NCAM2: variants seen among roughly 807,000 people sequenced by gnomAD.
NCAM2 encodes the protein neural cell adhesion molecule 2.
NCAM2 carries 30 observed loss-of-function variants against 98.1 expected under a neutral mutation model. The observed-to-expected ratio is 0.31, with a 90% CI of 0.23 to 0.41. The LOEUF (loss-of-function observed/expected upper bound fraction) is 0.41, where lower values mean the gene tolerates loss of function less well. Among genes scored for constraint, NCAM2 ranks in the 10% least tolerant of loss-of-function variants. The probability of loss-of-function intolerance (pLI) is 1.00; values close to 1 mark genes in which losing one functional copy is unlikely to be tolerated. For synonymous variants in NCAM2, 368 were observed against 342.4 expected, an observed-to-expected ratio of 1.07 and a Z score of -0.83; for missense variants, 867 against 1,005.8, an observed-to-expected ratio of 0.86 and a Z score of 1.87.
intron 16 of NCAM2, among the ~76,000 whole-genome samples, chr21:21,514,744 T>G (rs1343082774): frequency 6.6e-6 from 1 of 152,152 alleles, no homozygotes; most frequent in Non-Finnish European, 1.5e-5. Context: ...TTTTAGTAAT[T>G]GAAAATGTCA....
At chr21:21,082,870 T>C (rs1220470248) in intron 1 of NCAM2, among the ~76,000 whole-genome samples, 1 of 152,206 alleles carries the variant, frequency 6.6e-6, no homozygotes, top group African/African-American at 2.4e-5. Flanking sequence ...TGAGGAGCTC[T>C]TCCACTCTGC....
chr21:21,103,448 CAATT>C (rs888585673), intron 1 of NCAM2, among the ~76,000 whole-genome samples: 15 of 146,478 alleles, frequency 1.0e-4, no homozygotes, highest in Admixed American at 2.8e-4. Flanking sequence ...AGTATAATAG[CAATT>C]AATTAAGAGG....
chr21:21,129,611 C>T (rs1489262985), intron 1 of NCAM2, among the ~76,000 whole-genome samples: 1 of 152,046 alleles, frequency 6.6e-6, no homozygotes, highest in Admixed American at 6.6e-5. Flanking sequence ...TGAGGGCTGG[C>T]GATTTGGTTT....
intron 9 of NCAM2, among the ~76,000 whole-genome samples, chr21:21,382,516 GAT>G (rs2076176549): frequency 1.6e-5 from 2 of 125,982 alleles, no homozygotes; most frequent in Middle Eastern, 7.5e-3. Context: ...TTATTTCAGG[GAT>G]TTTTTTTTTT....
At chr21:21,299,132 G>A (rs1457951602) in intron 5 of NCAM2, among the ~76,000 whole-genome samples, 1 of 151,598 alleles carries the variant, frequency 6.6e-6, no homozygotes, top group African/African-American at 2.4e-5. Flanking sequence ...ATCTGACATT[G>A]TGGAGATGAA....
chr21:21,434,604 G>T (rs1379528575), intron 12 of NCAM2, among the ~76,000 whole-genome samples: 1 of 151,902 alleles, frequency 6.6e-6, no homozygotes, highest in Non-Finnish European at 1.5e-5. Context: ...TCTTCTTTTT[G>T]ATTCTCCCTT....
intron 5 of NCAM2, among the ~76,000 whole-genome samples, chr21:21,320,478 G>T (rs2074348484): frequency 1.3e-5 from 2 of 152,002 alleles, no homozygotes; most frequent in South Asian, 4.1e-4. Context: ...CATAAATTCA[G>T]AATGGAGGAC....
Position 21,411,112 on chromosome 21 carries a change from GTA to G in NCAM2, c.1383+662_1383+663del, listed in dbSNP as rs376579207. ...TGTGTGTATATATATACATATATAT[GTA>G]TATATATATACACATATATATGTAT... On this transcript the variant is annotated intron_variant, in intron 10 of 17. Coordinates refer to ENST00000400546, the MANE Select transcript of NCAM2 (RefSeq NM_004540.5). Among the ~76,000 whole-genome samples, 54 of 28,192 alleles carry G rather than the reference GTA, an allele frequency of 1.9e-3. 3 individuals carry two copies. Among genetic ancestry groups the G allele is most frequent in the East Asian group, 3.7e-3 (6 of 1,614 alleles). The allele number at this position is 28,192 out of a possible 152,430, so 18.5% of individuals were successfully genotyped here.
intron 9 of NCAM2, among the ~76,000 whole-genome samples, chr21:21,375,919 G>A (rs2076022636): frequency 6.6e-6 from 1 of 151,654 alleles, no homozygotes; most frequent in South Asian, 2.1e-4. Context: ...CTGTATCATA[G>A]GATTAGTACT....
At chr21:21,025,405 C>T (rs1468995756) in intron 1 of NCAM2, among the ~76,000 whole-genome samples, 1 of 152,128 alleles carries the variant, frequency 6.6e-6, no homozygotes, top group African/African-American at 2.4e-5. Context: ...GATGTTCTAT[C>T]TCCCCAGGAC....
At chr21:21,141,752 T>A (rs986985827) in intron 1 of NCAM2, among the ~76,000 whole-genome samples, 1 of 152,150 alleles carries the variant, frequency 6.6e-6, no homozygotes. Context: ...CTATCTGGCA[T>A]GACAAGGTGT....
intron 16 of NCAM2, among the ~76,000 whole-genome samples, chr21:21,517,586 G>A (rs371655825): frequency 2.6e-5 from 4 of 152,074 alleles, no homozygotes; most frequent in Admixed American, 1.3e-4. Flanking sequence ...AGCCAGGGGC[G>A]GTGGCTCACC....
intron 9 of NCAM2, among the ~76,000 whole-genome samples, chr21:21,397,394 A>G (rs1048040081): frequency 2.0e-5 from 3 of 152,162 alleles, no homozygotes; most frequent in Non-Finnish European, 2.9e-5. Flanking sequence ...AGGGGTGCCT[A>G]TAGGCCCCTG....
intron 12 of NCAM2, among the ~76,000 whole-genome samples, chr21:21,451,368 T>C (rs530812162): frequency 1.3e-3 from 200 of 152,298 alleles, no homozygotes; most frequent in African/African-American, 4.5e-3. Flanking sequence ...AGAAAGAGAA[T>C]CCACAAGCTT....
At chr21:21,119,423 TG>T (rs2066627412) in intron 1 of NCAM2, among the ~76,000 whole-genome samples, 1 of 152,202 alleles carries the variant, frequency 6.6e-6, no homozygotes, top group Non-Finnish European at 1.5e-5. Flanking sequence ...AAGGATTTTT[TG>T]CTATTCTCTA....
At chr21:21,023,850 A>G (rs1416866850) in intron 1 of NCAM2, among the ~76,000 whole-genome samples, 1 of 152,164 alleles carries the variant, frequency 6.6e-6, no homozygotes, top group Non-Finnish European at 1.5e-5. Flanking sequence ...AATTTTTTAC[A>G]TTAAAGCAAC....
intron 16 of NCAM2, among the ~76,000 whole-genome samples, chr21:21,524,933 C>A (rs575029811): frequency 6.6e-6 from 1 of 152,034 alleles, no homozygotes; most frequent in East Asian, 1.9e-4. Context: ...GAAAAAATCT[C>A]AAAAGAAATT....
At chr21:21,319,268 A>C (rs1647276238) in intron 5 of NCAM2, among the ~76,000 whole-genome samples, 1 of 152,256 alleles carries the variant, frequency 6.6e-6, no homozygotes, top group Non-Finnish European at 1.5e-5. Context: ...CAAATAAAGA[A>C]CAATATAGTA....
chr21:21,041,436 C>T (rs2064902426), intron 1 of NCAM2, among the ~76,000 whole-genome samples: 2 of 152,152 alleles, frequency 1.3e-5, no homozygotes, highest in Admixed American at 1.3e-4. Flanking sequence ...TTCTCTTTAA[C>T]TTCTTTGAGA....
Sources: allele counts gnomAD v4.1 joint callset (sites outside exome capture counted in the v4.1 genomes callset), GRCh38; gene constraint gnomAD v4.1.1; transcripts MANE v1.5; gene names NCBI Gene and HGNC (gene_info 2026-07-23, HGNC 2026-07-21).